Variants in CIT observed in about 807,000 individuals in gnomAD.
The protein encoded by CIT is citron rho-interacting serine/threonine kinase.
Under a neutral mutation model 272.7 loss-of-function variants are expected in CIT, and 79 were observed. The ratio of observed to expected loss-of-function variants is 0.29; its 90% CI spans 0.24 to 0.35. The LOEUF is 0.35. Ranked by LOEUF, CIT falls within the 10% of genes least tolerant of loss-of-function variation. The pLI is 1.00. For synonymous variants in CIT, 948 were observed against 995.6 expected (o/e 0.95, Z 0.90); for missense variants, 1,909 against 2,618.3 (o/e 0.73, Z 5.91).
chr12:119,839,121 T>C (rs1969222990), intron 5 of CIT, among the ~76,000 whole-genome samples: 1 of 152,202 alleles, frequency 6.6e-6, no homozygotes, highest in African/African-American at 2.4e-5. Flanking sequence ...ATGTGTTCAG[T>C]TTGGAAGTAG....
Position 119,718,980 on chromosome 12 carries a change from G to C in CIT, c.3841-119C>G, listed in dbSNP as rs1427935825. The C allele has an allele frequency of 4.1e-6, 4 of 974,220 alleles. No homozygotes were observed. Among genetic ancestry groups the C allele is most frequent in the Non-Finnish European group, 6.1e-6 (4 of 653,360 alleles). 60.3% of individuals were successfully genotyped at this position (974,220 alleles called of 1,614,324 possible). A position where few individuals can be genotyped will look rare whatever the true frequency, so the allele number is the denominator to read the frequency against. ...AGCCAGGAGCATACTCACTGTAAGT[G>C]TATTTAGTAAAAATGGCATGTGAAG... On this transcript the variant is annotated intron_variant, in intron 30 of 47. Transcript: ENST00000392521. The surrounding 1 kb of genome is among the most constrained non-coding windows in gnomAD (Gnocchi z 4.8).
intron 10 of CIT, among the ~76,000 whole-genome samples, chr12:119,799,900 ATTC>A (rs1966044650): frequency 1.3e-5 from 2 of 151,120 alleles, no homozygotes; most frequent in South Asian, 2.1e-4. Context: ...CCTCAAGACA[ATTC>A]TTCTTCTTCC....
chr12:119,810,336 G>A (rs925848212), intron 9 of CIT, among the ~76,000 whole-genome samples: 5 of 152,148 alleles, frequency 3.3e-5, no homozygotes, highest in African/African-American at 1.2e-4. Context: ...GTCTTCTGTG[G>A]TGTTGACAGT....
At chr12:119,843,108 C>A (rs1026119418) in intron 5 of CIT, among the ~76,000 whole-genome samples, 154 of 152,068 alleles carry the variant, frequency 1.0e-3, no homozygotes, top group African/African-American at 3.7e-3. Context: ...GAGGAGTTAG[C>A]AAGGTGAACA....
intron 7 of CIT, 57 bp downstream of exon 7, chr12:119,832,713 AG>A (rs1166478583): frequency 1.4e-6 from 2 of 1,400,018 alleles, no homozygotes; most frequent in Non-Finnish European, 2.0e-6. Flanking sequence ...CAAACTTAGG[AG>A]GACCAAGAAT....
intron 5 of CIT, among the ~76,000 whole-genome samples, chr12:119,834,501 C>A (rs1456037295): frequency 6.6e-6 from 1 of 152,144 alleles, no homozygotes; most frequent in Non-Finnish European, 1.5e-5. Flanking sequence ...TTAAATCCAC[C>A]CACTTTCCCA....
intron 14 of CIT, 115 bp from the exon 15 acceptor site, chr12:119,776,523 T>A: frequency 2.6e-6 from 3 of 1,156,534 alleles, no homozygotes; most frequent in South Asian, 2.8e-5. Flanking sequence ...AATAATGTTA[T>A]CTTCTGTAAA....
At chr12:119,762,602 T>G (rs1961941290) in intron 19 of CIT, among the ~76,000 whole-genome samples, 1 of 152,198 alleles carries the variant, frequency 6.6e-6, no homozygotes. Context: ...AGACCACATA[T>G]GCCCTTTATA....
At chr12:119,809,641 C>T (rs1189782154) in intron 9 of CIT, among the ~76,000 whole-genome samples, 2 of 152,190 alleles carry the variant, frequency 1.3e-5, no homozygotes, top group Non-Finnish European at 2.9e-5. Context: ...ACCTTTCTGA[C>T]TTGGAGCTGG....
chr12:119,718,688 T>C lies in CIT; in HGVS notation c.4003+11A>G. The C allele has an allele frequency of 6.2e-7, 1 of 1,612,536 alleles. No individual in the cohort carries two copies. Among genetic ancestry groups the C allele is most frequent in the Non-Finnish European group, 8.5e-7 (1 of 1,179,966 alleles). ...ACATCCTTGAGCATTTTGGAGAGAG[T>C]GAGCCCCTACCTTCCTCCCGGGCGG... is the stretch of plus-strand genomic sequence containing the variant. On this transcript the variant is annotated intron_variant, in intron 31 of 47. Transcript: ENST00000392521. This position sits in a 1 kb window ranked among gnomAD's most constrained non-coding sequence, Gnocchi z 4.8.
At position 119,697,609 on chromosome 12, in the gene CIT, G is replaced by A. The variant is rs1328086140; in HGVS notation, c.5882+50C>T. On this transcript the variant is annotated intron_variant, in intron 46 of 47. Transcript: ENST00000392521. This position sits in a 1 kb window ranked among gnomAD's most constrained non-coding sequence, Gnocchi z 4.9. ...GTTTAGTATCACTTCCTTCTGCCTT[G>A]CAGAAAAGCACGTTGCCCCTGGTAC... 6.4e-7 allele frequency: 1 copy of A among 1,567,066 alleles called. No individual in the cohort carries two copies. The highest frequency in any genetic ancestry group is 1.8e-5 in the Admixed American group (1 of 55,584).
Position 119,832,790 on chromosome 12 carries a change from T to G in CIT, c.734A>C (p.Lys245Thr). ...IKLVDFGSAA[K>T]MNSNKMVNAK... ...TTTTACCATCTTGTTTGAATTCATTTTCGCGGCAGATCCAAAATCCACCAG... is the reference window on the plus strand; with the variant it reads ...TTTTACCATCTTGTTTGAATTCATTGTCGCGGCAGATCCAAAATCCACCAG... Residue 245 changes from lysine to threonine, a missense_variant, in exon 7 of 48, where the codon AAA becomes ACA. Lys to Thr is a moderately conservative substitution (Grantham distance 78). This residue lies in a region of CIT where 529 missense variants were observed against 549.6 expected (regional missense o/e 0.96). Coordinates refer to ENST00000392521, the MANE Select transcript of CIT (RefSeq NM_001206999.2). 1 of 1,613,910 alleles carries G rather than the reference T, an allele frequency of 6.2e-7. No individual in the cohort carries two copies.
At chr12:119,872,491 C>G (rs975870167) in intron 2 of CIT, among the ~76,000 whole-genome samples, 4 of 152,186 alleles carry the variant, frequency 2.6e-5, no homozygotes, top group Non-Finnish European at 4.4e-5. Context: ...CCTGATAACT[C>G]AAGGCAAATG....
At chr12:119,875,776 G>A (rs2138443923) in intron 2 of CIT, among the ~76,000 whole-genome samples, 1 of 152,226 alleles carries the variant, frequency 6.6e-6, no homozygotes, top group African/African-American at 2.4e-5. Context: ...GAGGTCAGGA[G>A]TTCGACCCTA....
intron 30 of CIT, among the ~76,000 whole-genome samples, chr12:119,720,190 C>A (rs1409027416): frequency 6.6e-6 from 1 of 152,086 alleles, no homozygotes; most frequent in Non-Finnish European, 1.5e-5. Context: ...ATCCCTCTGC[C>A]CCAACTGCTA....
chr12:119,804,425 G>C lies in CIT; in HGVS notation c.1112-1036C>G, dbSNP rs560424492. On this transcript the variant is annotated intron_variant, in intron 9 of 47. Transcript: ENST00000392521. The surrounding 1 kb of genome is among the most constrained non-coding windows in gnomAD (Gnocchi z 5.3). ...AGGCTGCATGCTCCCGGCTCCGTGC[G>C]TGCGTGCTCTGGCTGGAACCCCACC... 5.7e-5 allele frequency: 56 copies of C among 985,700 alleles called. No homozygotes were observed. The highest frequency in any genetic ancestry group is 5.2e-4 in the Middle Eastern group (1 of 1,938). 61.1% of individuals were successfully genotyped at this position (985,700 alleles called of 1,614,324 possible).
At position 119,810,596 on chromosome 12, in the gene CIT, G is replaced by A. The variant is rs946409594; in HGVS notation, c.1112-7207C>T. On this transcript the variant is annotated intron_variant, in intron 9 of 47. Transcript: ENST00000392521. ...GGTGCTCCTGTAATCTCAGCTACTC[G>A]GGAGGCTGAGGCAGGAGAATCCCTC... Among the ~76,000 whole-genome samples the A allele has an allele frequency of 4.4e-4, 66 of 151,684 alleles. 1 individual carries two copies. The highest frequency in any genetic ancestry group is 1.4e-3 in the African/African-American group (59 of 41,294).
In CIT at chr12:119,783,889, G is replaced by T; in HGVS notation, c.1545+19C>A. The T allele has an allele frequency of 6.4e-7, 1 of 1,552,106 alleles. No homozygotes were observed. The highest frequency in any genetic ancestry group is 8.7e-7 in the Non-Finnish European group (1 of 1,152,068). On this transcript the variant is annotated intron_variant, in intron 12 of 47. Transcript: ENST00000392521. ...GGAAGTGCCACCTCCAAGGGAAGGGGGCTTCAGGGAAGGCTCACACTGCAT... is the reference window on the plus strand; with the variant it reads ...GGAAGTGCCACCTCCAAGGGAAGGGTGCTTCAGGGAAGGCTCACACTGCAT...
At position 119,687,978 on chromosome 12, in the gene CIT, A is replaced by C; in HGVS notation, c.*254T>G. 1 of 545,254 alleles carries C rather than the reference A, an allele frequency of 1.8e-6. No individual in the cohort carries two copies. The highest frequency in any genetic ancestry group is 2.6e-5 in the South Asian group (1 of 38,932). 33.8% of individuals were successfully genotyped at this position (545,254 alleles called of 1,614,324 possible). On this transcript the variant is annotated 3_prime_UTR_variant, in exon 48 of 48. Transcript: ENST00000392521. The stretch of plus-strand genomic sequence containing the variant: ...GGTACAAAAGTTTGTGAATGCTTTG[A>C]AAGAGTAACAAAGTGCAAAGAGATG...
Sources: allele counts gnomAD v4.1 joint callset (sites outside exome capture counted in the v4.1 genomes callset), GRCh38; gene constraint gnomAD v4.1.1; regional missense constraint gnomAD v4.1.1; non-coding constraint Gnocchi (gnomAD v3.1); transcripts MANE v1.5; gene names NCBI Gene and HGNC (gene_info 2026-07-23, HGNC 2026-07-21).